Variants in CSMD3 observed in about 807,000 individuals in gnomAD.
CSMD3 encodes CUB and sushi domain-containing protein 3.
A neutral mutation model predicts 435.2 loss-of-function variants in CSMD3; 177 were observed. The observed-to-expected ratio is 0.41, with a 90% CI of 0.36 to 0.46. CSMD3 has a LOEUF of 0.46. Ranked by LOEUF, CSMD3 falls within the 20% of genes least tolerant of loss-of-function variation. CSMD3 has a pLI of 0.34. For synonymous variants in CSMD3, 1,656 were observed against 1,520.5 expected (o/e 1.09, Z -2.07); for missense variants, 4,265 against 4,504.6 (o/e 0.95, Z 1.52).
At chr8:113,306,058 G>T (rs1272148562) in intron 2 of CSMD3, among the ~76,000 whole-genome samples, 2 of 152,038 alleles carry the variant, frequency 1.3e-5, no homozygotes, top group Admixed American at 6.6e-5. Context: ...AGTAAGCAAA[G>T]TTCACTTTGT....
chr8:112,296,618 T>A (rs1285673139), intron 53 of CSMD3, among the ~76,000 whole-genome samples: 2 of 151,782 alleles, frequency 1.3e-5, no homozygotes, highest in Non-Finnish European at 2.9e-5. Context: ...GATAAAGCAT[T>A]ACTTATTAAA....
intron 3 of CSMD3, among the ~76,000 whole-genome samples, chr8:113,232,683 T>C (rs1242523919): frequency 2.0e-5 from 3 of 151,736 alleles, no homozygotes; most frequent in Non-Finnish European, 3.0e-5. Flanking sequence ...GTCCAGTATG[T>C]TGTAGAATAA....
chr8:112,664,785 C>G (rs865882502), intron 17 of CSMD3, among the ~76,000 whole-genome samples: 8 of 152,096 alleles, frequency 5.3e-5, no homozygotes, highest in Admixed American at 2.0e-4. Flanking sequence ...ATGGAGAAGA[C>G]AGCCATCTAC....
intron 40 of CSMD3, 36 bp downstream of exon 40, chr8:112,351,139 G>T (rs987824765): frequency 8.0e-7 from 1 of 1,245,440 alleles, no homozygotes; most frequent in Non-Finnish European, 1.2e-6. Flanking sequence ...TACACTTTAA[G>T]TTCTAGGGTA....
intron 5 of CSMD3, among the ~76,000 whole-genome samples, chr8:113,087,749 A>C (rs1326877335): frequency 2.0e-5 from 3 of 152,202 alleles, no homozygotes; most frequent in Non-Finnish European, 4.4e-5. Context: ...TAAAACCATA[A>C]AAACCCTAGA....
intron 13 of CSMD3, among the ~76,000 whole-genome samples, chr8:112,760,138 A>G (rs1473900692): frequency 1.3e-5 from 2 of 152,210 alleles, no homozygotes; most frequent in East Asian, 3.8e-4. Context: ...TTTGCTAAAA[A>G]TTTTCAGAAT....
chr8:112,379,442 C>T (rs1168600934), intron 38 of CSMD3, among the ~76,000 whole-genome samples: 1 of 152,108 alleles, frequency 6.6e-6, no homozygotes, highest in Non-Finnish European at 1.5e-5. Flanking sequence ...CCATTCTAGC[C>T]TGGGCAACAA....
intron 13 of CSMD3, among the ~76,000 whole-genome samples, chr8:112,796,599 T>C (rs919706166): frequency 2.0e-5 from 3 of 152,062 alleles, no homozygotes; most frequent in African/African-American, 7.2e-5. Flanking sequence ...TAATGGATGT[T>C]AATGTGTCCA....
intron 13 of CSMD3, among the ~76,000 whole-genome samples, chr8:112,764,529 C>T (rs1422556054): frequency 1.3e-5 from 2 of 151,294 alleles, no homozygotes; most frequent in Non-Finnish European, 3.0e-5. Flanking sequence ...CATGTTTAGG[C>T]TCAATGGTAA....
intron 32 of CSMD3, among the ~76,000 whole-genome samples, chr8:112,463,610 C>T (rs1244782297): frequency 6.6e-6 from 1 of 152,108 alleles, no homozygotes; most frequent in African/African-American, 2.4e-5. Context: ...TAATAACTGG[C>T]ATTTAGAACC....
chr8:113,249,979 G>T (rs2093319467), intron 3 of CSMD3, among the ~76,000 whole-genome samples: 1 of 152,006 alleles, frequency 6.6e-6, no homozygotes, highest in South Asian at 2.1e-4. Flanking sequence ...AGATATAAGG[G>T]AAGTTAGTTG....
At chr8:113,217,653 T>C (rs1039551127) in intron 3 of CSMD3, among the ~76,000 whole-genome samples, 6 of 151,722 alleles carry the variant, frequency 4.0e-5, no homozygotes, top group South Asian at 2.1e-4. Context: ...ACAGGAATCA[T>C]TTAACCTGAA....
At chr8:112,832,320 C>T (rs1189088084) in intron 11 of CSMD3, among the ~76,000 whole-genome samples, 1 of 151,952 alleles carries the variant, frequency 6.6e-6, no homozygotes, top group Non-Finnish European at 1.5e-5. Flanking sequence ...GATTATCAAT[C>T]CTATGATTAG....
intron 10 of CSMD3, among the ~76,000 whole-genome samples, chr8:112,905,886 G>T (rs367620817): frequency 2.0e-5 from 3 of 151,392 alleles, no homozygotes; most frequent in African/African-American, 7.3e-5. Flanking sequence ...TTCATATGTT[G>T]ATGTCAAATA....
rs2130814953 is a variant in CSMD3 at position 112,311,128 on chromosome 8, A to G, written c.7735T>C (p.Tyr2579His). ...CSTPESPPHG[Y>H]IISQTGGQLN... The stretch of plus-strand genomic sequence containing the variant: ...TGCCCACCTGTCTGACTGATAATAT[A>G]TCCATGAGGTGGGGATTCTGGTGTA... Residue 2579 changes from tyrosine (Y) to histidine (H), a missense_variant, in exon 50 of 71, where the codon TAT becomes CAT. Physicochemically the swap from Tyr to His is moderately conservative, Grantham distance 83 (BLOSUM62 2). This residue lies in a region of CSMD3 where 3,255 missense variants were observed against 3,380.2 expected (regional missense o/e 0.96). Coordinates refer to ENST00000297405, the MANE Select transcript of CSMD3 (RefSeq NM_198123.2). 6.2e-7 allele frequency: 1 copy of G among 1,614,036 alleles called. No individual in the cohort carries two copies. Among genetic ancestry groups the G allele is most frequent in the South Asian group, 1.1e-5 (1 of 91,078 alleles).
At chr8:113,037,900 A>T (rs2131271638) in intron 5 of CSMD3, among the ~76,000 whole-genome samples, 1 of 152,312 alleles carries the variant, frequency 6.6e-6, no homozygotes, top group African/African-American at 2.4e-5. Context: ...GGGGTTATTT[A>T]TATGGAGTTG....
intron 32 of CSMD3, among the ~76,000 whole-genome samples, chr8:112,410,604 G>A (rs77407865): frequency 1.5e-4 from 6 of 39,518 alleles, no homozygotes; most frequent in Non-Finnish European, 3.0e-4. Context: ...ATATATATGT[G>A]TATATATATA....
At chr8:112,271,296 A>G (rs947861699) in intron 59 of CSMD3, among the ~76,000 whole-genome samples, 2 of 152,224 alleles carry the variant, frequency 1.3e-5, no homozygotes, top group Non-Finnish European at 2.9e-5. Context: ...CAAATTTTAC[A>G]AATGGTCGTT....
intron 9 of CSMD3, among the ~76,000 whole-genome samples, chr8:112,927,957 G>T (rs1289555477): frequency 6.6e-6 from 1 of 151,936 alleles, no homozygotes; most frequent in Admixed American, 6.6e-5. Flanking sequence ...GCCAACTACT[G>T]CCCTATTTAA....
Sources: allele counts gnomAD v4.1 joint callset (sites outside exome capture counted in the v4.1 genomes callset), GRCh38; gene constraint gnomAD v4.1.1; regional missense constraint gnomAD v4.1.1; transcripts MANE v1.5; gene names NCBI Gene and HGNC (gene_info 2026-07-23, HGNC 2026-07-21).